ITGA9: variants seen among roughly 807,000 people sequenced by gnomAD.
ITGA9 encodes the protein integrin subunit alpha 9.
In ITGA9, 56 loss-of-function variants were observed where a neutral mutation model predicts 127.8. The ratio of observed to expected loss-of-function variants is 0.44; its 90% CI spans 0.35 to 0.55. The LOEUF (loss-of-function observed/expected upper bound fraction) is 0.55. ITGA9 is among the 20% of genes least tolerant of loss of function. ITGA9 has a pLI of 0.00. For synonymous variants in ITGA9, 508 were observed against 514.5 expected (o/e 0.99, Z 0.17); for missense variants, 1,196 against 1,347.1 (o/e 0.89, Z 1.76).
chr3:37,619,775 G>A (rs139670155), intron 15 of ITGA9, among the ~76,000 whole-genome samples: 59 of 152,290 alleles, frequency 3.9e-4, no homozygotes, highest in South Asian at 2.9e-3. Flanking sequence ...TCTCATGGCC[G>A]TTGCTGGAAT....
chr3:37,791,159 T>G (rs2125556807), intron 26 of ITGA9, among the ~76,000 whole-genome samples: 1 of 151,990 alleles, frequency 6.6e-6, no homozygotes, highest in South Asian at 2.1e-4. Flanking sequence ...AGCCAGAAAC[T>G]CCCCCAAGGC....
At chr3:37,800,197 G>C (rs920930376) in intron 26 of ITGA9, among the ~76,000 whole-genome samples, 5 of 152,208 alleles carry the variant, frequency 3.3e-5, no homozygotes, top group Non-Finnish European at 7.3e-5. Flanking sequence ...ACGTGGCGTT[G>C]CTGGTATGCA....
intron 15 of ITGA9, among the ~76,000 whole-genome samples, chr3:37,601,358 TC>T (rs1225453700): frequency 1.3e-5 from 2 of 152,140 alleles, no homozygotes; most frequent in Non-Finnish European, 2.9e-5. Context: ...AAGAGCTCCT[TC>T]AGCTGCAAAG....
chr3:37,578,539 G>C (rs1371534590), intron 15 of ITGA9, among the ~76,000 whole-genome samples: 1 of 152,114 alleles, frequency 6.6e-6, no homozygotes, highest in Non-Finnish European at 1.5e-5. Flanking sequence ...TTCTCCCCAT[G>C]GCTTGGCCAT....
chr3:37,566,794 G>A (rs546853506), intron 15 of ITGA9, among the ~76,000 whole-genome samples: 1 of 152,226 alleles, frequency 6.6e-6, no homozygotes, highest in Non-Finnish European at 1.5e-5. Context: ...TTAAGCAAGA[G>A]CCATGGAATC....
intron 22 of ITGA9, among the ~76,000 whole-genome samples, chr3:37,744,819 T>C (rs1696481342): frequency 6.6e-6 from 1 of 152,242 alleles, no homozygotes; most frequent in African/African-American, 2.4e-5. Flanking sequence ...AATTTGAATT[T>C]CGTATAATTT....
intron 17 of ITGA9, among the ~76,000 whole-genome samples, chr3:37,679,606 C>T (rs1268566361): frequency 2.0e-5 from 3 of 152,082 alleles, no homozygotes; most frequent in Non-Finnish European, 4.4e-5. Context: ...GTGGGGATGT[C>T]ATGGATGTTC....
chr3:37,550,658 T>C (rs1291554782), intron 15 of ITGA9, among the ~76,000 whole-genome samples: 2 of 152,240 alleles, frequency 1.3e-5, no homozygotes, highest in African/African-American at 4.8e-5. Context: ...TAAAGTATGG[T>C]AAAATAATTA....
intron 18 of ITGA9, among the ~76,000 whole-genome samples, chr3:37,692,408 A>AGTGTGTGTGTGTGTGTGTGTGTGT (rs552452929): frequency 7.3e-6 from 1 of 137,708 alleles, no homozygotes; most frequent in Non-Finnish European, 1.5e-5. Context: ...TGAGAGAGAG[A>AGTGTGTGTGTGTGTGTGTGTGTGT]GAGAGTGTGT....
chr3:37,774,478 TGA>T (rs1311284083), intron 23 of ITGA9, among the ~76,000 whole-genome samples: 2 of 151,254 alleles, frequency 1.3e-5, no homozygotes, highest in Non-Finnish European at 2.9e-5. Context: ...GCAGATTGCT[TGA>T]GCTAAGGAGT....
intron 16 of ITGA9, among the ~76,000 whole-genome samples, chr3:37,649,732 A>G (rs1383884613): frequency 6.6e-6 from 1 of 152,240 alleles, no homozygotes. Flanking sequence ...GCTGGCATAT[A>G]CAGAACTGTT....
rs543475175 is a variant in ITGA9, at chr3:37,798,504, A to G, written c.2890-5319A>G. The stretch of plus-strand genomic sequence containing the variant: ...TTTGAAATCTAGGCTCTCAGGCCCC[A>G]TTCTAGACTCTAATTCAGAATCTGC... On this transcript the variant is annotated intron_variant, in intron 26 of 27. Coordinates refer to ENST00000264741, the MANE Select transcript of ITGA9 (RefSeq NM_002207.3). 5.3e-5 allele frequency among the ~76,000 whole-genome samples: 8 copies of G among 152,264 alleles called. No homozygotes were observed. The South Asian group carries it at 1.7e-3, about 32-fold the overall frequency.
At position 37,654,190 on chromosome 3, in the gene ITGA9, C is replaced by A. The variant is rs371936387; in HGVS notation, c.1916+400C>A. Among the ~76,000 whole-genome samples, 41 of 146,404 alleles carry A rather than the reference C, an allele frequency of 2.8e-4. 1 individual carries two copies. Among genetic ancestry groups the A allele is most frequent in the African/African-American group, 7.9e-4 (31 of 39,370 alleles). ...AATAAAGGTTTATGCCCTCCTGCCT[C>A]CACACACACACACACACACACACAC... On this transcript the variant is annotated intron_variant, in intron 17 of 27. Coordinates refer to ENST00000264741, the MANE Select transcript of ITGA9 (RefSeq NM_002207.3).
intron 17 of ITGA9, among the ~76,000 whole-genome samples, chr3:37,676,225 A>G (rs1433129251): frequency 6.6e-6 from 1 of 152,270 alleles, no homozygotes; most frequent in Non-Finnish European, 1.5e-5. Context: ...TTATTTGAGC[A>G]TGTAATCAAT....
chr3:37,515,072 A>G (rs1327630391), intron 9 of ITGA9, among the ~76,000 whole-genome samples: 1 of 152,180 alleles, frequency 6.6e-6, no homozygotes, highest in Non-Finnish European at 1.5e-5. Context: ...AGTATTCAGC[A>G]AGAACAACAT....
intron 14 of ITGA9, among the ~76,000 whole-genome samples, chr3:37,541,172 T>TG (rs1699266138): frequency 6.6e-6 from 1 of 152,332 alleles, no homozygotes; most frequent in East Asian, 1.9e-4. Context: ...TAAATGCCAG[T>TG]GGGCTCGGGG....
chr3:37,631,899 A>G (rs17036741), intron 16 of ITGA9, among the ~76,000 whole-genome samples: 41,456 of 152,160 alleles, frequency 0.27, 5,719 homozygotes, highest in Admixed American at 0.34. Flanking sequence ...AAAGTGTTAA[A>G]TAAACTGTTT....
chr3:37,653,830 C>A (rs372037680), intron 17 of ITGA9, 40 bp downstream of exon 17: 3 of 1,496,208 alleles, frequency 2.0e-6, no homozygotes, highest in African/African-American at 2.8e-5. Flanking sequence ...TCTCAGGCTC[C>A]TTTTTCTTGA....
chr3:37,672,319 G>C (rs1032490594), intron 17 of ITGA9, among the ~76,000 whole-genome samples: 3 of 152,094 alleles, frequency 2.0e-5, no homozygotes, highest in African/African-American at 4.8e-5. Flanking sequence ...TCTTTCCTGT[G>C]TTGTTCTTGT....
Sources: allele counts gnomAD v4.1 joint callset (sites outside exome capture counted in the v4.1 genomes callset), GRCh38; gene constraint gnomAD v4.1.1; transcripts MANE v1.5; gene names NCBI Gene and HGNC (gene_info 2026-07-23, HGNC 2026-07-21).